CLDN10: variants seen among roughly 807,000 people sequenced by gnomAD.
CLDN10 encodes claudin 10.
In CLDN10, 15 loss-of-function variants were observed where a neutral mutation model predicts 22.9. The ratio of observed to expected loss-of-function variants is 0.65; its 90% CI spans 0.44 to 1.01. The LOEUF (loss-of-function observed/expected upper bound fraction) is 1.01. CLDN10 is among the 50% of genes least tolerant of loss of function. CLDN10 has a pLI of 0.00. For synonymous variants in CLDN10, 114 were observed against 111.4 expected, an observed-to-expected ratio of 1.02 and a Z score of -0.15; for missense variants, 247 against 287.8, an observed-to-expected ratio of 0.86 and a Z score of 1.03.
intron 1 of CLDN10, among the ~76,000 whole-genome samples, chr13:95,504,391 A>AT (rs1369520544): frequency 6.6e-6 from 1 of 151,960 alleles, no homozygotes; most frequent in Non-Finnish European, 1.5e-5. Flanking sequence ...ATTTTATTTT[A>AT]TTTTTTTGAG....
chr13:95,489,982 C>T (rs1256598633), intron 1 of CLDN10, among the ~76,000 whole-genome samples: 1 of 152,122 alleles, frequency 6.6e-6, no homozygotes, highest in African/African-American at 2.4e-5. Flanking sequence ...ATGTCCTTTC[C>T]CCCAGTTTAT....
intron 1 of CLDN10, among the ~76,000 whole-genome samples, chr13:95,559,753 A>G (rs555214270): frequency 1.3e-5 from 2 of 152,188 alleles, no homozygotes; most frequent in Non-Finnish European, 2.9e-5. Context: ...TCACAGTGAA[A>G]GGCACCTTTC....
chr13:95,537,580 A>G lies in CLDN10; in HGVS notation c.215-22552A>G, dbSNP rs771441152. On this transcript the variant is annotated intron_variant, in intron 1 of 4. Coordinates refer to the CLDN10 transcript ENST00000376873. The stretch of plus-strand genomic sequence containing the variant: ...AAACCATTTTTTCAATGGTAGTAAT[A>G]TACCACAAGTTTCCCTTACTTAACA... Among the ~76,000 whole-genome samples, 20 of 152,238 alleles carry G rather than the reference A, an allele frequency of 1.3e-4. 1 individual carries two copies. The highest frequency in any genetic ancestry group is 6.3e-3 in the Middle Eastern group (2 of 316).
intron 1 of CLDN10, chr13:95,533,808 G>T: frequency 6.6e-6 from 1 of 152,336 alleles, no homozygotes; most frequent in Non-Finnish European, 1.5e-5. Context: ...TACCTTCAAG[G>T]CCCCAACCCT....
At chr13:95,449,308 G>A (rs898760785) in intron 1 of CLDN10, among the ~76,000 whole-genome samples, 1 of 152,074 alleles carries the variant, frequency 6.6e-6, no homozygotes, top group Non-Finnish European at 1.5e-5. Flanking sequence ...CTGGAGTGCA[G>A]TGGCGCAACC....
At chr13:95,463,521 T>C (rs2042557633) in intron 1 of CLDN10, among the ~76,000 whole-genome samples, 1 of 150,692 alleles carries the variant, frequency 6.6e-6, no homozygotes, top group Non-Finnish European at 1.5e-5. Context: ...TTTGTAGAGA[T>C]GGGTTTTCGC....
chr13:95,538,083 C>T (rs542154363), intron 1 of CLDN10, among the ~76,000 whole-genome samples: 2 of 149,646 alleles, frequency 1.3e-5, no homozygotes, highest in South Asian at 4.2e-4. Context: ...AACATGACAA[C>T]AAGAGCCAAG....
At chr13:95,495,283 C>A (rs1205759489) in intron 1 of CLDN10, among the ~76,000 whole-genome samples, 1 of 151,768 alleles carries the variant, frequency 6.6e-6, no homozygotes, top group African/African-American at 2.4e-5. Context: ...GTGATCTGTC[C>A]GTCTTGGCTT....
At chr13:95,439,269 A>G (rs541837073) in intron 1 of CLDN10, among the ~76,000 whole-genome samples, 2 of 152,040 alleles carry the variant, frequency 1.3e-5, no homozygotes, top group Non-Finnish European at 2.9e-5. Context: ...GTGAGGGCCC[A>G]TAGACGGCAC....
At chr13:95,576,183 T>C (rs901681385) in intron 3 of CLDN10, among the ~76,000 whole-genome samples, 5 of 152,144 alleles carry the variant, frequency 3.3e-5, no homozygotes, top group Non-Finnish European at 5.9e-5. Context: ...GCCTCAGCTC[T>C]TGAACTTGGC....
intron 1 of CLDN10, among the ~76,000 whole-genome samples, chr13:95,483,714 T>C (rs2042773941): frequency 6.6e-6 from 1 of 152,188 alleles, no homozygotes. Flanking sequence ...GGTGGACTTT[T>C]AGAAACATGC....
At chr13:95,577,387 T>C in intron 4 of CLDN10, 49 bp downstream of exon 4, 1 of 1,148,878 alleles carries the variant, frequency 8.7e-7, no homozygotes, top group South Asian at 1.2e-5. Context: ...AATGCTATCA[T>C]AAATCATTAC....
chr13:95,438,470 C>T (rs146894300), intron 1 of CLDN10, among the ~76,000 whole-genome samples: 66 of 152,290 alleles, frequency 4.3e-4, no homozygotes, highest in African/African-American at 1.5e-3. Context: ...TGTTTACAGT[C>T]TTCTCAGCAT....
At chr13:95,439,351 A>AT (rs371861667) in intron 1 of CLDN10, among the ~76,000 whole-genome samples, 102 of 148,206 alleles carry the variant, frequency 6.9e-4, no homozygotes, top group African/African-American at 8.8e-4. Flanking sequence ...TGTTATTATT[A>AT]TTTTTTTTTT....
chr13:95,508,724 G>A (rs920709604), intron 1 of CLDN10, among the ~76,000 whole-genome samples: 1 of 152,202 alleles, frequency 6.6e-6, no homozygotes, highest in Admixed American at 6.5e-5. Context: ...TCCTTTTCGA[G>A]GTGATTGTTA....
chr13:95,449,592 G>C (rs989954735), intron 1 of CLDN10, among the ~76,000 whole-genome samples: 3 of 151,466 alleles, frequency 2.0e-5, no homozygotes, highest in Non-Finnish European at 2.9e-5. Flanking sequence ...TTAGAGACAG[G>C]GTCCTGCTCT....
chr13:95,572,330 T>C (rs2043874194), intron 3 of CLDN10, among the ~76,000 whole-genome samples: 1 of 152,208 alleles, frequency 6.6e-6, no homozygotes, highest in Non-Finnish European at 1.5e-5. Flanking sequence ...CATAAAAGGA[T>C]GATGGCATGA....
At chr13:95,508,731 G>A (rs1448680211) in intron 1 of CLDN10, among the ~76,000 whole-genome samples, 1 of 152,356 alleles carries the variant, frequency 6.6e-6, no homozygotes, top group African/African-American at 2.4e-5. Context: ...CGAGGTGATT[G>A]TTAACTGAAT....
Position 95,495,447 on chromosome 13 carries a change from G to C in CLDN10, c.214+61400G>C, listed in dbSNP as rs570685480. Among the ~76,000 whole-genome samples, 311 of 151,344 alleles carry C rather than the reference G, an allele frequency of 2.1e-3. 1 individual carries two copies. Among genetic ancestry groups the C allele is most frequent in the African/African-American group, 7.2e-3 (296 of 41,368 alleles). On this transcript the variant is annotated intron_variant, in intron 1 of 4. Coordinates refer to the CLDN10 transcript ENST00000376873. ...TGAGTCCATGTCTTGTAATTTCCTA[G>C]AAAGAAATGAAGCTCGGCCAGGCGC...
Sources: gnomAD v4.1 joint callset for allele counts (sites outside exome capture counted in the v4.1 genomes callset) on GRCh38, gnomAD v4.1.1 for gene constraint, MANE v1.5 for transcripts, NCBI Gene and HGNC (gene_info 2026-07-23, HGNC 2026-07-21) for gene names.